Variants in ANKS1B observed in about 807,000 individuals in gnomAD.
ANKS1B encodes the protein ankyrin repeat and sterile alpha motif domain-containing protein 1B.
ANKS1B carries 36 observed loss-of-function variants against 148.3 expected under a neutral mutation model. That is an observed-to-expected ratio of 0.24 (90% CI 0.19 to 0.32). The LOEUF (loss-of-function observed/expected upper bound fraction) is 0.32, where lower values mean the gene tolerates loss of function less well. Ranked by LOEUF, ANKS1B falls within the 10% of genes least tolerant of loss-of-function variation. ANKS1B has a pLI of 1.00. For missense variants in ANKS1B, 1,157 were observed against 1,542.6 expected, an observed-to-expected ratio of 0.75 and a Z score of 4.19; for synonymous variants, 542 against 560.8, an observed-to-expected ratio of 0.97 and a Z score of 0.47.
At chr12:99,573,414 T>A (rs1221133383) in intron 9 of ANKS1B, among the ~76,000 whole-genome samples, 1 of 152,102 alleles carries the variant, frequency 6.6e-6, no homozygotes, top group East Asian at 1.9e-4. Context: ...GATTTAGGGA[T>A]CAGCATTATA....
At chr12:99,714,108 TCCTTGCCTTTC>T (rs565791115) in intron 8 of ANKS1B, among the ~76,000 whole-genome samples, 29 of 152,330 alleles carry the variant, frequency 1.9e-4, no homozygotes, top group Non-Finnish European at 4.0e-4. Flanking sequence ...AAGGATCCAT[TCCTTGCCTTTC>T]CCAGCTTCAA....
intron 8 of ANKS1B, among the ~76,000 whole-genome samples, chr12:99,718,107 G>T (rs1247781979): frequency 2.0e-5 from 3 of 151,632 alleles, no homozygotes; most frequent in Non-Finnish European, 2.9e-5. Context: ...GTTTCACCAT[G>T]TTAGCCAGGA....
Position 99,984,762 on chromosome 12 carries a change from C to CGCGGCG in ANKS1B, c.-531_-526dup, listed in dbSNP as rs898428434. ...GGGCGGCGTCCGCGGCGGGGAGGAG[C>CGCGGCG]GCGGCGGCGGCGGCGGCGGCTCGTG... On this transcript the variant is annotated 5_prime_UTR_variant, in exon 1 of 27. Coordinates refer to ENST00000683438, the MANE Select transcript of ANKS1B (RefSeq NM_001352186.2). The CGCGGCG allele has an allele frequency of 3.4e-5, 5 of 148,788 alleles. No individual in the cohort carries two copies. Among genetic ancestry groups the CGCGGCG allele is most frequent in the East Asian group, 2.0e-4 (1 of 5,116 alleles). 9.2% of individuals were successfully genotyped at this position (148,788 alleles called of 1,614,324 possible).
chr12:99,060,629 TAC>T (rs1458751748), intron 16 of ANKS1B, among the ~76,000 whole-genome samples: 1 of 150,284 alleles, frequency 6.7e-6, no homozygotes, highest in African/African-American at 2.5e-5. Flanking sequence ...TATATATATA[TAC>T]ACACATATAC....
intron 9 of ANKS1B, among the ~76,000 whole-genome samples, chr12:99,611,792 T>C (rs879866158): frequency 3.3e-5 from 5 of 152,122 alleles, no homozygotes; most frequent in Admixed American, 6.6e-5. Context: ...ATTTTCATGA[T>C]TGGAGGAGCT....
intron 12 of ANKS1B, among the ~76,000 whole-genome samples, chr12:99,285,940 G>T (rs544335863): frequency 1.3e-5 from 2 of 152,044 alleles, no homozygotes; most frequent in East Asian, 1.9e-4. Flanking sequence ...AAGCTAAAGC[G>T]CTCTGGAGTT....
At chr12:99,893,883 C>T (rs1337366505) in intron 1 of ANKS1B, among the ~76,000 whole-genome samples, 1 of 152,100 alleles carries the variant, frequency 6.6e-6, no homozygotes, top group Non-Finnish European at 1.5e-5. Context: ...CTTATCCAAT[C>T]CACCACTGAC....
rs144691998 is a variant in ANKS1B, at chr12:98,772,601, C to T, written c.3579+441G>A. On this transcript the variant is annotated intron_variant, in intron 25 of 26. Coordinates refer to ENST00000683438, the MANE Select transcript of ANKS1B (RefSeq NM_001352186.2). Reference sequence around the variant, plus strand: ...CCATTTATAAAACCATCAGATCTTGCGACACTTACTCACTATCATGAGAAT... The same window carrying T: ...CCATTTATAAAACCATCAGATCTTGTGACACTTACTCACTATCATGAGAAT... 8.1e-4 allele frequency among the ~76,000 whole-genome samples: 124 copies of T among 152,164 alleles called. 1 individual carries two copies. In the South Asian group the frequency reaches 0.021, roughly 25 times the overall value.
At chr12:98,995,000 AAATTTT>A (rs2099928686) in intron 17 of ANKS1B, among the ~76,000 whole-genome samples, 1 of 152,216 alleles carries the variant, frequency 6.6e-6, no homozygotes, top group Non-Finnish European at 1.5e-5. Context: ...AGCTTGTTTT[AAATTTT>A]CTGAGTGAAT....
intron 8 of ANKS1B, among the ~76,000 whole-genome samples, chr12:99,743,243 A>G (rs916229439): frequency 5.3e-5 from 8 of 152,172 alleles, no homozygotes; most frequent in African/African-American, 1.9e-4. Context: ...CTCAAGCACG[A>G]CAAAATCTAG....
chr12:99,415,758 A>G (rs986815703), intron 11 of ANKS1B, among the ~76,000 whole-genome samples: 2 of 150,122 alleles, frequency 1.3e-5, no homozygotes, highest in African/African-American at 4.9e-5. Context: ...ATCTCGGCTC[A>G]CGGCAAGCTC....
intron 12 of ANKS1B, among the ~76,000 whole-genome samples, chr12:99,302,075 T>G (rs1412715489): frequency 6.6e-6 from 1 of 152,178 alleles, no homozygotes; most frequent in Non-Finnish European, 1.5e-5. Flanking sequence ...ACTTGGCCTG[T>G]CTCTCTATTA....
intron 17 of ANKS1B, among the ~76,000 whole-genome samples, chr12:98,999,065 C>T (rs35636534): frequency 0.014 from 2,131 of 152,340 alleles, 61 homozygotes; most frequent in African/African-American, 0.048. Context: ...GAAGGGAAGT[C>T]CCTGCCCACC....
chr12:99,912,552 G>T (rs1040857098), intron 1 of ANKS1B, among the ~76,000 whole-genome samples: 1 of 151,846 alleles, frequency 6.6e-6, no homozygotes, highest in Non-Finnish European at 1.5e-5. Flanking sequence ...GGGTTTCACC[G>T]TGTTGGCCAG....
intron 14 of ANKS1B, among the ~76,000 whole-genome samples, chr12:99,213,396 T>C (rs1373132637): frequency 1.3e-5 from 2 of 152,186 alleles, no homozygotes; most frequent in Admixed American, 6.5e-5. Flanking sequence ...GTCTGTCTCA[T>C]AGGCCTGTAA....
intron 14 of ANKS1B, among the ~76,000 whole-genome samples, chr12:99,216,586 C>T (rs1360981605): frequency 6.6e-6 from 1 of 152,076 alleles, no homozygotes; most frequent in Non-Finnish European, 1.5e-5. Flanking sequence ...GCTTTGCTGT[C>T]ACTTAACTGA....
At chr12:99,709,357 G>A (rs529492967) in intron 8 of ANKS1B, among the ~76,000 whole-genome samples, 60 of 152,290 alleles carry the variant, frequency 3.9e-4, no homozygotes, top group African/African-American at 1.4e-3. Flanking sequence ...AGATTTTGAA[G>A]CAGTTGCTCT....
intron 4 of ANKS1B, among the ~76,000 whole-genome samples, chr12:99,788,721 G>A (rs556003962): frequency 6.6e-6 from 1 of 152,230 alleles, no homozygotes; most frequent in East Asian, 1.9e-4. Flanking sequence ...TCCTGGACCA[G>A]AGGGGAGCCT....
chr12:98,742,394 A>G (rs1318861681), downstream of ANKS1B, among the ~76,000 whole-genome samples: 1 of 151,608 alleles, frequency 6.6e-6, no homozygotes, highest in East Asian at 2.0e-4. Flanking sequence ...GGTTTTGGAG[A>G]GAAAAACAAA....
Sources: gnomAD v4.1 joint callset for allele counts (sites outside exome capture counted in the v4.1 genomes callset) on GRCh38, gnomAD v4.1.1 for gene constraint, MANE v1.5 for transcripts, NCBI Gene and HGNC (gene_info 2026-07-23, HGNC 2026-07-21) for gene names.